The following GANC variants were observed in gnomAD, a reference collection of about 807,000 sequenced individuals.
GANC encodes neutral alpha-glucosidase C.
In GANC, 117 loss-of-function variants were observed where a neutral mutation model predicts 124.2. That is an observed-to-expected ratio of 0.94 (90% CI 0.81 to 1.10). GANC has a LOEUF of 1.10. GANC is among the 50% of genes least tolerant of loss of function. The pLI is 0.00. For synonymous variants in GANC, 377 were observed against 376.8 expected (o/e 1.00, Z -0.01); for missense variants, 1,140 against 1,095.0 (o/e 1.04, Z -0.58).
intron 6 of GANC, among the ~76,000 whole-genome samples, chr15:42,302,699 A>G (rs929960614): frequency 1.3e-5 from 2 of 152,166 alleles, no homozygotes; most frequent in Admixed American, 6.6e-5. Context: ...TGAGAACTTC[A>G]TGAGGCATGC....
intron 3 of GANC, chr15:42,280,977 G>A (rs902399206): frequency 3.1e-5 from 22 of 702,438 alleles, no homozygotes; most frequent in Admixed American, 2.6e-4. Flanking sequence ...AGAAACCACA[G>A]TCCAGGAGGA....
Position 42,338,484 on chromosome 15 carries a change from T to G in GANC, c.1837T>G (p.Cys613Gly), listed in dbSNP as rs368687218. 28 of 1,610,894 alleles carry G rather than the reference T, an allele frequency of 1.7e-5. 1 individual carries two copies. In the Admixed American group the frequency reaches 4.3e-4, roughly 25 times the overall value. ...LTLSITGISF[C>G]GADIGGFIGN... ...TCTCAGCATTACTGGGATCTCTTTT[T>G]GCGGAGGTAAGATGAGTCCTTTGAG... Residue 613 changes from cysteine (C) to glycine (G), a missense_variant, in exon 16 of 24, where the codon TGC becomes GGC. Transcript: ENST00000318010.
intron 5 of GANC, among the ~76,000 whole-genome samples, chr15:42,296,744 A>G (rs1010484979): frequency 1.3e-5 from 2 of 152,058 alleles, no homozygotes; most frequent in African/African-American, 4.8e-5. Flanking sequence ...CCCAAACAAC[A>G]TATTATTTGG....
chr15:42,297,699 A>G (rs763833489), intron 6 of GANC, 43 bp downstream of exon 6: 9 of 1,394,638 alleles, frequency 6.5e-6, no homozygotes, highest in African/African-American at 1.4e-5. Context: ...TTTCACCATC[A>G]TCATCATGAT....
intron 6 of GANC, among the ~76,000 whole-genome samples, chr15:42,303,670 G>GAAAAAAAAAAAAAAAAAAAA (rs150074091): frequency 7.8e-6 from 1 of 128,576 alleles, no homozygotes; most frequent in Non-Finnish European, 1.6e-5. Context: ...TATTTACCAA[G>GAAAAAAAAAAAAAAAAAAAA]AAAAAAAAAA....
chr15:42,343,632 T>A (rs1336715423), intron 19 of GANC, among the ~76,000 whole-genome samples: 2 of 152,198 alleles, frequency 1.3e-5, no homozygotes, highest in South Asian at 4.1e-4. Context: ...CTCTGCTCTT[T>A]TATTAGTTAT....
intron 22 of GANC, 95 bp from the exon 23 acceptor site, chr15:42,351,234 G>A (rs2052432598): frequency 1.2e-6 from 1 of 812,206 alleles, no homozygotes; most frequent in Non-Finnish European, 2.1e-6. Context: ...CCAAGGGACA[G>A]ATGGGAGAGG....
intron 10 of GANC, among the ~76,000 whole-genome samples, chr15:42,317,112 C>T (rs568193478): frequency 1.2e-4 from 18 of 152,248 alleles, no homozygotes; most frequent in Admixed American, 7.2e-4. Context: ...TCTCTTGCCT[C>T]GGCACCTGGG....
intron 21 of GANC, among the ~76,000 whole-genome samples, chr15:42,348,460 A>G (rs997314492): frequency 6.6e-5 from 10 of 152,322 alleles, no homozygotes; most frequent in African/African-American, 2.2e-4. Context: ...GTGCTCTTCA[A>G]CTTGACGTTG....
Position 42,273,425 on chromosome 15 carries a change from A to T in GANC, c.-1057A>T. On this transcript the variant is annotated 5_prime_UTR_variant, in exon 1 of 24. Transcript: ENST00000318010. Reference sequence around the variant, plus strand: ...TTCACAGCCGTGGAGTGCCTACCGAAAGCATTTCACCCTCTTCCGGTTCGT... The same window carrying T: ...TTCACAGCCGTGGAGTGCCTACCGATAGCATTTCACCCTCTTCCGGTTCGT... 6.2e-7 allele frequency: 1 copy of T among 1,612,944 alleles called. No homozygotes were observed. Among genetic ancestry groups the T allele is most frequent in the Non-Finnish European group, 8.5e-7 (1 of 1,179,710 alleles).
Position 42,353,460 on chromosome 15 carries a change from T to C in GANC, c.*1321T>C, listed in dbSNP as rs150166655. The C allele has an allele frequency of 7.9e-5, 73 of 927,410 alleles. No homozygotes were observed. The African/African-American group carries it at 1.0e-3, about 13-fold the overall frequency. 57.4% of individuals were successfully genotyped at this position (927,410 alleles called of 1,614,324 possible). Reference sequence around the variant, plus strand: ...CTTCCCCGTAATGCTGTCCCACTTATAACTGTGCTCTACTTAGCATTCTCA... The same window carrying C: ...CTTCCCCGTAATGCTGTCCCACTTACAACTGTGCTCTACTTAGCATTCTCA... On this transcript the variant is annotated 3_prime_UTR_variant, in exon 24 of 24. Transcript: ENST00000318010.
Position 42,273,557 on chromosome 15 carries a change from C to G in GANC, c.-925C>G, listed in dbSNP as rs528432447. 1.5e-6 allele frequency: 2 copies of G among 1,317,228 alleles called. No homozygotes were observed. The highest frequency in any genetic ancestry group is 2.5e-5 in the Admixed American group (1 of 39,580). 81.6% of individuals were successfully genotyped at this position (1,317,228 alleles called of 1,614,324 possible). A position where few individuals can be genotyped will look rare whatever the true frequency, so the allele number is the denominator to read the frequency against. On this transcript the variant is annotated 5_prime_UTR_variant, in exon 1 of 24. Transcript: ENST00000318010. ...AGCGGCCCCTCTCTCAGACAGTCGT[C>G]TGTGCGCCGTGAGACTTTGGACCTA...
chr15:42,319,386 C>G (rs1343168519), intron 10 of GANC, among the ~76,000 whole-genome samples: 1 of 151,998 alleles, frequency 6.6e-6, no homozygotes, highest in Non-Finnish European at 1.5e-5. Flanking sequence ...ACTCTGTTGC[C>G]CAGGCTGGAG....
chr15:42,276,932 A>G (rs544308590), intron 2 of GANC, among the ~76,000 whole-genome samples: 2 of 152,222 alleles, frequency 1.3e-5, no homozygotes, highest in South Asian at 4.1e-4. Context: ...ATATGAGTGC[A>G]TGGAGATTGT....
chr15:42,305,497 G>A (rs1174307690), intron 6 of GANC, among the ~76,000 whole-genome samples: 1 of 152,230 alleles, frequency 6.6e-6, no homozygotes, highest in South Asian at 2.1e-4. Context: ...TACACTGTTG[G>A]TGGGAGTGTA....
chr15:42,327,520 T>C lies in GANC; in HGVS notation c.1500+78T>C. The C allele has an allele frequency of 2.7e-6, 3 of 1,123,668 alleles. No individual in the cohort carries two copies. The South Asian group carries it at 4.0e-5, about 15-fold the overall frequency. The allele number at this position is 1,123,668 out of a possible 1,614,324, so 69.6% of individuals were successfully genotyped here. On this transcript the variant is annotated intron_variant, in intron 13 of 23. Transcript: ENST00000318010. ...TGGAAAAAGTGATTGAATAAAACTATTCTTTTTCATTGAGTAGCTTTTGAT... is the reference window on the plus strand; with the variant it reads ...TGGAAAAAGTGATTGAATAAAACTACTCTTTTTCATTGAGTAGCTTTTGAT...
chr15:42,348,449 G>C (rs1181900413), intron 21 of GANC, among the ~76,000 whole-genome samples: 3 of 152,146 alleles, frequency 2.0e-5, no homozygotes, highest in Non-Finnish European at 4.4e-5. Context: ...TGTGAGTGTT[G>C]GTGCTCTTCA....
chr15:42,345,163 A>G (rs76096814), intron 19 of GANC, among the ~76,000 whole-genome samples: 2 of 152,274 alleles, frequency 1.3e-5, no homozygotes, highest in East Asian at 3.9e-4. Context: ...TACTTCAGCA[A>G]CTAAACCCCC....
At chr15:42,294,920 A>C (rs766169753) in intron 5 of GANC, among the ~76,000 whole-genome samples, 1 of 150,684 alleles carries the variant, frequency 6.6e-6, no homozygotes, top group Admixed American at 6.6e-5. Flanking sequence ...GTATATTTAT[A>C]GTATAGAGTC....
Sources: allele counts gnomAD v4.1 joint callset (sites outside exome capture counted in the v4.1 genomes callset), GRCh38; gene constraint gnomAD v4.1.1; transcripts MANE v1.5; gene names NCBI Gene and HGNC (gene_info 2026-07-23, HGNC 2026-07-21).